CTPS2: variants seen among roughly 807,000 people sequenced by gnomAD.
CTPS2 encodes CTP synthase 2.
In CTPS2, 19 loss-of-function variants were observed where a neutral mutation model predicts 46.8. The ratio of observed to expected loss-of-function variants is 0.41; its 90% CI spans 0.28 to 0.60. The LOEUF is 0.60. Ranked by LOEUF, CTPS2 falls within the 20% of genes least tolerant of loss-of-function variation. The pLI, the probability that CTPS2 is intolerant of heterozygous loss-of-function variation, is 0.35. For missense variants in CTPS2, 286 were observed against 447.6 expected, an observed-to-expected ratio of 0.64 and a Z score of 3.26; for synonymous variants, 151 against 165.2, an observed-to-expected ratio of 0.91 and a Z score of 0.66.
intron 10 of CTPS2, 117 bp from the exon 11 acceptor site, chrX:16,670,791 T>A (rs1318480019): frequency 2.2e-6 from 1 of 453,797 alleles, no homozygotes; most frequent in Non-Finnish European, 3.7e-6. Flanking sequence ...CAAGCTCTAT[T>A]TTCAGAACCA....
At chrX:16,592,265 C>T (rs1032459827) in intron 17 of CTPS2, among the ~76,000 whole-genome samples, 2 of 111,694 alleles carry the variant, frequency 1.8e-5, no homozygotes, top group African/African-American at 6.5e-5. Context: ...CTGTGCCCAA[C>T]TGTATGCTTT....
chrX:16,640,057 C>T (rs1932004845), intron 13 of CTPS2, among the ~76,000 whole-genome samples: 4 of 111,248 alleles, frequency 3.6e-5, no homozygotes, highest in Non-Finnish European at 7.5e-5. Context: ...CTCAACATTC[C>T]CATGGCCCCA....
At chrX:16,592,178 G>A (rs1928939491) in intron 17 of CTPS2, among the ~76,000 whole-genome samples, 1 of 109,957 alleles carries the variant, frequency 9.1e-6, no homozygotes, top group South Asian at 3.9e-4. Context: ...CTGGCCTCAA[G>A]GGATCCTCCC....
chrX:16,609,171 G>T (rs1303370744), intron 17 of CTPS2, among the ~76,000 whole-genome samples: 1 of 111,194 alleles, frequency 9.0e-6, no homozygotes, highest in Non-Finnish European at 1.9e-5. Context: ...TTACCAATCA[G>T]TAAGGAAAAT....
chrX:16,707,999 AAG>A (rs200341208), intron 1 of CTPS2, among the ~76,000 whole-genome samples: 7 of 110,143 alleles, frequency 6.4e-5, no homozygotes, highest in African/African-American at 1.7e-4. Flanking sequence ...AAAAAATAAA[AAG>A]AGAGAGAGAG....
intron 13 of CTPS2, among the ~76,000 whole-genome samples, chrX:16,643,273 C>T (rs1189190528): frequency 8.9e-6 from 1 of 112,186 alleles, no homozygotes; most frequent in Non-Finnish European, 1.9e-5. Flanking sequence ...TGTTCCTCAT[C>T]GTTGAATATT....
chrX:16,636,303 G>A (rs1450239239), intron 14 of CTPS2, among the ~76,000 whole-genome samples: 1 of 111,779 alleles, frequency 8.9e-6, no homozygotes, highest in Non-Finnish European at 1.9e-5. Context: ...GCTGAGGCAG[G>A]AGAATCGCTT....
chrX:16,693,314 A>T, intron 5 of CTPS2, 57 bp downstream of exon 5: 1 of 1,070,228 alleles, frequency 9.3e-7, no homozygotes, highest in Non-Finnish European at 1.3e-6. Context: ...GGACACATAG[A>T]ATATCATAGG....
chrX:16,618,103 C>T lies in CTPS2; in HGVS notation c.1450-857G>A, dbSNP rs150716772. On this transcript the variant is annotated intron_variant, in intron 15 of 18. Coordinates refer to ENST00000359276, the MANE Select transcript of CTPS2 (RefSeq NM_175859.3). ...AACCTCATCCCCCAACCCCCCATCACCCTGACCCGATCCCCTGGCAATCAC... is the reference window on the plus strand; with the variant it reads ...AACCTCATCCCCCAACCCCCCATCATCCTGACCCGATCCCCTGGCAATCAC... Among the ~76,000 whole-genome samples, 29 of 111,593 alleles carry T rather than the reference C, an allele frequency of 2.6e-4. 1 individual carries two copies. Among genetic ancestry groups the T allele is most frequent in the African/African-American group, 7.5e-4 (23 of 30,731 alleles).
chrX:16,619,699 GAC>G (rs996956589), intron 15 of CTPS2, among the ~76,000 whole-genome samples: 23 of 111,802 alleles, frequency 2.1e-4, no homozygotes, highest in African/African-American at 7.2e-4. Context: ...CATCGTAATT[GAC>G]ACACTCATTA....
intron 16 of CTPS2, among the ~76,000 whole-genome samples, chrX:16,615,039 G>T (rs1930459066): frequency 8.9e-6 from 1 of 112,177 alleles, no homozygotes; most frequent in Admixed American, 9.5e-5. Flanking sequence ...AGCCGGGCAT[G>T]GTGGAACATG....
intron 13 of CTPS2, among the ~76,000 whole-genome samples, chrX:16,656,550 C>A (rs1265989071): frequency 9.0e-6 from 1 of 111,211 alleles, no homozygotes; most frequent in Admixed American, 9.6e-5. Context: ...GCTGGGACTA[C>A]AGGTGCCCGC....
intron 14 of CTPS2, among the ~76,000 whole-genome samples, chrX:16,637,955 C>A (rs777827865): frequency 8.9e-6 from 1 of 111,754 alleles, no homozygotes. Flanking sequence ...GTTAAGAAGG[C>A]ATTTTTCTGA....
chrX:16,685,081 A>G (rs1037501588), intron 8 of CTPS2, among the ~76,000 whole-genome samples: 1 of 111,001 alleles, frequency 9.0e-6, no homozygotes, highest in African/African-American at 3.3e-5. Context: ...ACAGAGCCAG[A>G]CTTCTTCTCC....
intron 13 of CTPS2, among the ~76,000 whole-genome samples, chrX:16,663,433 C>T (rs1260789413): frequency 7.1e-5 from 8 of 112,198 alleles, no homozygotes; most frequent in Admixed American, 5.7e-4. Flanking sequence ...AGGCATGAGA[C>T]ACTGCACCTA....
intron 13 of CTPS2, among the ~76,000 whole-genome samples, chrX:16,659,238 T>C (rs965661999): frequency 1.8e-5 from 2 of 111,369 alleles, no homozygotes; most frequent in Non-Finnish European, 3.8e-5. Flanking sequence ...AAGTACTTAT[T>C]ATGGGCAAGG....
chrX:16,685,515 G>T (rs1476940039), intron 8 of CTPS2, among the ~76,000 whole-genome samples: 2 of 110,578 alleles, frequency 1.8e-5, no homozygotes, highest in Admixed American at 9.7e-5. Context: ...GCTGTGGGAG[G>T]GGGAGGGGAG....
chrX:16,604,879 T>G (rs774293249), intron 17 of CTPS2, among the ~76,000 whole-genome samples: 8 of 112,487 alleles, frequency 7.1e-5, no homozygotes, highest in Non-Finnish European at 1.1e-4. Flanking sequence ...AGGAGAGAGA[T>G]CAGCAAAGAA....
intron 14 of CTPS2, 31 bp downstream of exon 14, chrX:16,639,116 T>A: frequency 1.8e-6 from 2 of 1,114,334 alleles, no homozygotes; most frequent in Non-Finnish European, 2.5e-6. Flanking sequence ...ACATCCAACA[T>A]CTTGTAAAAT....
Sources: allele counts gnomAD v4.1 joint callset (sites outside exome capture counted in the v4.1 genomes callset), GRCh38; gene constraint gnomAD v4.1.1; transcripts MANE v1.5; gene names NCBI Gene and HGNC (gene_info 2026-07-23, HGNC 2026-07-21).